Variants in PTPRT observed in about 807,000 individuals in gnomAD.
PTPRT encodes protein tyrosine phosphatase receptor type T.
Under a neutral mutation model 176.8 loss-of-function variants are expected in PTPRT, and 56 were observed. The observed-to-expected ratio is 0.32, with a 90% CI of 0.26 to 0.40. PTPRT has a LOEUF of 0.40. Ranked by LOEUF, PTPRT falls within the 10% of genes least tolerant of loss-of-function variation. PTPRT has a pLI of 1.00. For synonymous variants in PTPRT, 783 were observed against 739.0 expected (o/e 1.06, Z -0.96); for missense variants, 1,540 against 1,908.2 (o/e 0.81, Z 3.60).
At chr20:42,510,853 A>G (rs533473079) in intron 7 of PTPRT, among the ~76,000 whole-genome samples, 3 of 152,270 alleles carry the variant, frequency 2.0e-5, no homozygotes, top group Non-Finnish European at 1.5e-5. Flanking sequence ...GCATTAGCAA[A>G]GGCCTTGCCT....
intron 18 of PTPRT, among the ~76,000 whole-genome samples, chr20:42,129,099 C>T (rs1241943462): frequency 6.6e-6 from 1 of 152,102 alleles, no homozygotes; most frequent in Non-Finnish European, 1.5e-5. Context: ...GTCTTAGTGA[C>T]TTAATCATTA....
At chr20:42,743,378 G>C (rs1039024883) in intron 6 of PTPRT, among the ~76,000 whole-genome samples, 6 of 152,106 alleles carry the variant, frequency 3.9e-5, no homozygotes, top group Admixed American at 6.5e-5. Flanking sequence ...TGGGTTAGGG[G>C]GGAAAAAAGA....
chr20:43,016,996 T>C (rs191746987), intron 1 of PTPRT, among the ~76,000 whole-genome samples: 144 of 152,256 alleles, frequency 9.5e-4, no homozygotes, highest in Non-Finnish European at 1.5e-3. Context: ...AGGCACAAAA[T>C]TTAAGGAGGT....
intron 7 of PTPRT, among the ~76,000 whole-genome samples, chr20:42,587,411 A>G: frequency 6.6e-6 from 1 of 152,234 alleles, no homozygotes; most frequent in Non-Finnish European, 1.5e-5. Context: ...CCCTTTGGTC[A>G]TAAGATAAAC....
intron 2 of PTPRT, among the ~76,000 whole-genome samples, chr20:42,833,084 C>T (rs903965201): frequency 6.6e-6 from 1 of 151,500 alleles, no homozygotes; most frequent in African/African-American, 2.4e-5. Context: ...AGTGAGACCC[C>T]GTGCCAAAGA....
intron 6 of PTPRT, among the ~76,000 whole-genome samples, chr20:42,714,083 G>T (rs1303279785): frequency 6.6e-6 from 1 of 152,168 alleles, no homozygotes; most frequent in Non-Finnish European, 1.5e-5. Context: ...TCTAGGTAGG[G>T]CTCTCATTTC....
chr20:42,766,548 G>A (rs1372767265), intron 5 of PTPRT, among the ~76,000 whole-genome samples: 1 of 152,114 alleles, frequency 6.6e-6, no homozygotes, highest in Non-Finnish European at 1.5e-5. Context: ...GTTTCCAGAG[G>A]GGTGCAAAAC....
chr20:42,683,564 C>A (rs1248834826), intron 6 of PTPRT, among the ~76,000 whole-genome samples: 1 of 152,214 alleles, frequency 6.6e-6, no homozygotes, highest in African/African-American at 2.4e-5. Flanking sequence ...AGGCTTGAGC[C>A]ACCATGCCCA....
At position 42,084,836 on chromosome 20, in the gene PTPRT, C is replaced by T; in HGVS notation, c.3982G>A (p.Gly1328Ser). The change falls in exon 29 of 31, where the codon GGT becomes AGT. Residue 1328 changes from glycine to serine, a missense_variant. Physicochemically the swap from Gly to Ser is moderately conservative, Grantham distance 56 (BLOSUM62 0). This residue lies in a region of PTPRT where 342 missense variants were observed against 394.0 expected (regional missense o/e 0.87). Coordinates refer to ENST00000373187, the MANE Select transcript of PTPRT (RefSeq NM_007050.6). ...RICNMARPQD[G>S]YRIVQHLQYI... ...TGGAGGTGCTGGACTATACGATAAC[C>T]ATCCTGTGGCTGAGAACAGAGAGGC... 1 of 1,435,114 alleles carries T rather than the reference C, an allele frequency of 7.0e-7. No homozygotes were observed. 88.9% of individuals were successfully genotyped at this position (1,435,114 alleles called of 1,614,324 possible).
chr20:42,203,921 G>A (rs1397800548), intron 15 of PTPRT, among the ~76,000 whole-genome samples: 1 of 152,118 alleles, frequency 6.6e-6, no homozygotes, highest in African/African-American at 2.4e-5. Flanking sequence ...CACCTACTAC[G>A]ACAAGAACTT....
chr20:42,357,328 T>C (rs986100784), intron 9 of PTPRT, among the ~76,000 whole-genome samples: 4 of 152,194 alleles, frequency 2.6e-5, no homozygotes, highest in South Asian at 2.1e-4. Flanking sequence ...TGGCCTTTCA[T>C]AGAAAAAGTT....
chr20:42,196,719 T>C (rs1991230927), intron 16 of PTPRT, among the ~76,000 whole-genome samples: 1 of 152,212 alleles, frequency 6.6e-6, no homozygotes, highest in African/African-American at 2.4e-5. Context: ...CTAGGAAATG[T>C]ATGAGTCTCA....
chr20:42,972,390 G>T (rs1407568150), intron 1 of PTPRT, among the ~76,000 whole-genome samples: 1 of 151,664 alleles, frequency 6.6e-6, no homozygotes, highest in Admixed American at 6.6e-5. Context: ...AGCTGGGTGT[G>T]GTGGCTCATG....
chr20:42,639,438 T>C (rs893238126), intron 7 of PTPRT, among the ~76,000 whole-genome samples: 7 of 152,152 alleles, frequency 4.6e-5, no homozygotes, highest in African/African-American at 1.7e-4. Context: ...TGCCTTTGCA[T>C]GCAGCCTCTG....
intron 16 of PTPRT, among the ~76,000 whole-genome samples, chr20:42,174,271 C>G (rs964657411): frequency 6.6e-6 from 1 of 152,068 alleles, no homozygotes; most frequent in Admixed American, 6.6e-5. Context: ...GTAAATCACA[C>G]AGTTTTAATA....
At chr20:42,242,594 T>C (rs891462547) in intron 14 of PTPRT, among the ~76,000 whole-genome samples, 3 of 152,108 alleles carry the variant, frequency 2.0e-5, no homozygotes, top group African/African-American at 7.2e-5. Flanking sequence ...GCTGGTCACA[T>C]GGAGCTGAGA....
chr20:42,675,379 T>A (rs1448038724), intron 7 of PTPRT, among the ~76,000 whole-genome samples: 1 of 152,250 alleles, frequency 6.6e-6, no homozygotes, highest in Non-Finnish European at 1.5e-5. Context: ...AACACAAAAT[T>A]CATTTATGTT....
At chr20:42,246,126 A>G (rs916299527) in intron 14 of PTPRT, among the ~76,000 whole-genome samples, 1 of 152,086 alleles carries the variant, frequency 6.6e-6, no homozygotes, top group African/African-American at 2.4e-5. Context: ...TAGCAGACTC[A>G]ATTGATCAGT....
chr20:42,843,269 C>T (rs1170366632), intron 2 of PTPRT, among the ~76,000 whole-genome samples: 1 of 152,200 alleles, frequency 6.6e-6, no homozygotes, highest in African/African-American at 2.4e-5. Flanking sequence ...AGCAATTACA[C>T]AGTGCACATC....
Sources: gnomAD v4.1 joint callset for allele counts (sites outside exome capture counted in the v4.1 genomes callset) on GRCh38, gnomAD v4.1.1 for gene constraint, gnomAD v4.1.1 regional missense constraint, MANE v1.5 for transcripts, NCBI Gene and HGNC (gene_info 2026-07-23, HGNC 2026-07-21) for gene names.